OR52I2: variants seen among roughly 807,000 people sequenced by gnomAD.
The protein encoded by OR52I2 is olfactory receptor 52I2.
For missense variants in OR52I2, 350 were observed against 402.4 expected (o/e 0.87, Z 1.11); for synonymous variants, 147 against 151.9 (o/e 0.97, Z 0.24).
chr11:4,586,687 A>C, intron 1 of OR52I2, 185 bp from the exon 2 acceptor site: 3 of 766,022 alleles, frequency 3.9e-6, no homozygotes, highest in Non-Finnish European at 6.3e-6. Flanking sequence ...AACAATGAAT[A>C]CAAATTTGGA....
intron 1 of OR52I2, among the ~76,000 whole-genome samples, chr11:4,585,963 G>A (rs1465994973): frequency 1.3e-5 from 2 of 152,120 alleles, no homozygotes; most frequent in Non-Finnish European, 2.9e-5. Context: ...AAAGGATAAA[G>A]CTTCCTTGTT....
chr11:4,583,524 G>A (rs565084710), intron 1 of OR52I2, among the ~76,000 whole-genome samples: 7 of 152,210 alleles, frequency 4.6e-5, no homozygotes, highest in South Asian at 2.1e-4. Flanking sequence ...GAACACATGC[G>A]GCAGTTTCAA....
chr11:4,585,297 G>T (rs565129166), intron 1 of OR52I2, among the ~76,000 whole-genome samples: 1 of 152,220 alleles, frequency 6.6e-6, no homozygotes, highest in African/African-American at 2.4e-5. Context: ...AAACCTAGGG[G>T]TTCCATGAAG....
chr11:4,587,826 G>C, exon 2 of OR52I2: 1 of 1,614,070 alleles, frequency 6.2e-7, no homozygotes, highest in Non-Finnish European at 8.5e-7. Context: ...GGAGTTATCT[G>C]ATGCATGTCC....
exon 2 of OR52I2, chr11:4,591,234 T>C (rs1313477684): frequency 6.6e-6 from 1 of 152,128 alleles, no homozygotes; most frequent in African/African-American, 2.4e-5. Flanking sequence ...ATTCCACTAC[T>C]CAGAGAGGAG....
exon 2 of OR52I2, chr11:4,587,685 G>A (rs779050799): frequency 5.0e-6 from 8 of 1,614,034 alleles, no homozygotes; most frequent in Admixed American, 3.3e-5. Context: ...CCATCTATGC[G>A]GCCTGGTTGG....
intron 1 of OR52I2, among the ~76,000 whole-genome samples, chr11:4,585,226 C>T (rs1399322156): frequency 6.6e-6 from 1 of 152,076 alleles, no homozygotes. Context: ...AGGAACAGTA[C>T]CACATTTTGA....
exon 2 of OR52I2, chr11:4,587,510 C>T (rs771758803): frequency 1.9e-6 from 3 of 1,614,190 alleles, no homozygotes; most frequent in South Asian, 2.2e-5. Flanking sequence ...CTGATTGGTT[C>T]CTCTCTTATG....
At chr11:4,585,603 C>G (rs1157743493) in intron 1 of OR52I2, among the ~76,000 whole-genome samples, 1 of 152,164 alleles carries the variant, frequency 6.6e-6, no homozygotes, top group Non-Finnish European at 1.5e-5. Context: ...CAGAGATCAA[C>G]AAGCGGTAGA....
exon 2 of OR52I2, chr11:4,590,855 C>T (rs956183751): frequency 3.3e-5 from 5 of 152,180 alleles, no homozygotes; most frequent in African/African-American, 1.2e-4. Flanking sequence ...AGTAGCTACA[C>T]AGCAAGGTTT....
intron 1 of OR52I2, among the ~76,000 whole-genome samples, chr11:4,584,070 G>A (rs1846280790): frequency 6.6e-6 from 1 of 152,154 alleles, no homozygotes. Context: ...AACTTAAAAA[G>A]GGGAAACTAG....
chr11:4,590,529 A>C (rs1846342942), exon 2 of OR52I2: 1 of 152,226 alleles, frequency 6.6e-6, no homozygotes, highest in Non-Finnish European at 1.5e-5. Flanking sequence ...AAGGGCATGA[A>C]AGGTATGCCC....
exon 2 of OR52I2, chr11:4,586,972 C>A: frequency 6.2e-7 from 1 of 1,614,180 alleles, no homozygotes; most frequent in East Asian, 2.2e-5. Context: ...GCAATCTTCA[C>A]ATCTTTGGCT....
At chr11:4,583,576 T>C (rs1322606881) in intron 1 of OR52I2, among the ~76,000 whole-genome samples, 1 of 152,240 alleles carries the variant, frequency 6.6e-6, no homozygotes, top group African/African-American at 2.4e-5. Context: ...ACCATTCTAC[T>C]TCAAAAGCTT....
chr11:4,592,852 CT>C (rs914981444), exon 2 of OR52I2: 5 of 152,212 alleles, frequency 3.3e-5, no homozygotes, highest in African/African-American at 1.2e-4. Context: ...CAGTAGCTAT[CT>C]TTGTCTCATC....
chr11:4,586,848 C>T (rs1846305248), intron 1 of OR52I2, 24 bp from the exon 2 acceptor site: 2 of 1,614,078 alleles, frequency 1.2e-6, no homozygotes, highest in Non-Finnish European at 8.5e-7. Context: ...GCATTCTTCT[C>T]ATACATCATT....
At position 4,583,438 on chromosome 11, in the gene OR52I2, G is replaced by A. The variant is rs542616379; in HGVS notation, c.-20+1574G>A. On this transcript the variant is annotated intron_variant, in intron 1 of 1. Coordinates refer to ENST00000641896, the Ensembl canonical transcript of OR52I2. ...ATATCCTGGATCAGAGGTGAGTGGGGAAGAGGCTGTTTGGATCCTCAAGCT... is the reference window on the plus strand; with the variant it reads ...ATATCCTGGATCAGAGGTGAGTGGGAAAGAGGCTGTTTGGATCCTCAAGCT... 3.3e-5 allele frequency among the ~76,000 whole-genome samples: 5 copies of A among 152,292 alleles called. No individual in the cohort carries two copies. In the East Asian group the frequency reaches 7.7e-4, roughly 24 times the overall value.
exon 2 of OR52I2, chr11:4,587,968 G>C: frequency 1.1e-6 from 1 of 938,296 alleles, no homozygotes; most frequent in African/African-American, 1.6e-5. Context: ...AGGTGTAAAG[G>C]ATATCCTTGC....
At chr11:4,588,020 C>G in exon 2 of OR52I2, 1 of 666,402 alleles carries the variant, frequency 1.5e-6, no homozygotes, top group East Asian at 2.7e-5. Context: ...TGAAATGTTT[C>G]TGATTTTCTG....
Sources: gnomAD v4.1 joint callset for allele counts (sites outside exome capture counted in the v4.1 genomes callset) on GRCh38, gnomAD v4.1.1 for gene constraint, MANE v1.5 for transcripts, NCBI Gene and HGNC (gene_info 2026-07-23, HGNC 2026-07-21) for gene names.